Variants in LRRIQ1 observed in about 807,000 individuals in gnomAD.
LRRIQ1 encodes leucine-rich repeat- and IQ domain-containing protein 1.
In LRRIQ1, 210 loss-of-function variants were observed where a neutral mutation model predicts 211.9. That is an observed-to-expected ratio of 0.99 (90% CI 0.89 to 1.11). The LOEUF (loss-of-function observed/expected upper bound fraction) is 1.11. LRRIQ1 is among the 50% of genes most tolerant of loss of function. LRRIQ1 has a pLI of 0.00. For synonymous variants in LRRIQ1, 699 were observed against 650.1 expected (o/e 1.08, Z -1.14); for missense variants, 2,136 against 1,939.5 (o/e 1.10, Z -1.90).
At chr12:85,063,264 A>G (rs1437783905) in intron 8 of LRRIQ1, among the ~76,000 whole-genome samples, 1 of 151,368 alleles carries the variant, frequency 6.6e-6, no homozygotes, top group Non-Finnish European at 1.5e-5. Context: ...TTAGCCATAC[A>G]TTATTTGCCA....
chr12:85,212,140 C>T (rs575355736), intron 24 of LRRIQ1, among the ~76,000 whole-genome samples: 9 of 151,890 alleles, frequency 5.9e-5, no homozygotes, highest in Non-Finnish European at 1.3e-4. Context: ...CAAAAAGTAG[C>T]CAGGTGTGGT....
intron 10 of LRRIQ1, among the ~76,000 whole-genome samples, chr12:85,071,669 A>G (rs1883095824): frequency 6.6e-6 from 1 of 152,074 alleles, no homozygotes; most frequent in Admixed American, 6.6e-5. Flanking sequence ...TATAAAGGAA[A>G]GAGGTTTAAT....
chr12:85,139,132 TAAG>T (rs1565862878), intron 19 of LRRIQ1, among the ~76,000 whole-genome samples: 1 of 151,410 alleles, frequency 6.6e-6, no homozygotes, highest in African/African-American at 2.4e-5. Flanking sequence ...TTTCCACCAC[TAAG>T]AAGAATGAGT....
chr12:85,138,163 ATACT>A (rs1272042813), intron 19 of LRRIQ1, among the ~76,000 whole-genome samples, 194 bp downstream of exon 19: 1 of 151,512 alleles, frequency 6.6e-6, no homozygotes, highest in African/African-American at 2.4e-5. Flanking sequence ...TGGCAGCAAA[ATACT>A]TACAAGAGCG....
intron 1 of LRRIQ1, among the ~76,000 whole-genome samples, chr12:85,037,648 A>C (rs1374912014): frequency 6.6e-6 from 1 of 152,034 alleles, no homozygotes; most frequent in African/African-American, 2.4e-5. Context: ...AGGAATGAAG[A>C]AAAGAACAAG....
chr12:85,050,925 C>G (rs1229045582), intron 6 of LRRIQ1, among the ~76,000 whole-genome samples: 2 of 152,154 alleles, frequency 1.3e-5, no homozygotes, highest in Non-Finnish European at 2.9e-5. Context: ...CTCTTGCTAC[C>G]TATCTACAGA....
intron 11 of LRRIQ1, among the ~76,000 whole-genome samples, chr12:85,094,798 G>T (rs908827315): frequency 6.6e-6 from 1 of 151,896 alleles, no homozygotes; most frequent in Admixed American, 6.6e-5. Flanking sequence ...GTGGTGCTTT[G>T]TAGTTCTCTT....
At chr12:85,073,186 TCTC>T (rs1883279618) in intron 11 of LRRIQ1, 88 bp downstream of exon 11, 6 of 836,542 alleles carry the variant, frequency 7.2e-6, no homozygotes, top group Middle Eastern at 3.6e-4. Context: ...GTCACCATCA[TCTC>T]CTTTATTTTT....
At chr12:85,165,052 G>A (rs1891082723) in intron 24 of LRRIQ1, among the ~76,000 whole-genome samples, 1 of 151,910 alleles carries the variant, frequency 6.6e-6, no homozygotes, top group East Asian at 1.9e-4. Context: ...CTGCTATCTT[G>A]GATAATGTTA....
At chr12:85,210,186 C>G (rs1418205120) in intron 24 of LRRIQ1, among the ~76,000 whole-genome samples, 2 of 152,020 alleles carry the variant, frequency 1.3e-5, no homozygotes, top group Non-Finnish European at 2.9e-5. Context: ...ATAAACATTC[C>G]AGTCCTAGGA....
Position 85,038,205 on chromosome 12 carries a change from C to G in LRRIQ1, c.29C>G (p.Ala10Gly). Residue 10 changes from alanine to glycine, a missense_variant, in exon 2 of 27, where the codon GCA becomes GGA. Transcript: ENST00000393217. ...GACGATGATGATGCAAAGCTCAAAG[C>G]AGAAATAGAAGCTGAATTGGATAAA... Reference protein sequence around the residue: MDDDDAKLKAEIEAELDKLS... With the variant: MDDDDAKLKGEIEAELDKLS... The G allele has an allele frequency of 6.3e-7, 1 of 1,578,226 alleles. No individual in the cohort carries two copies. The highest frequency in any genetic ancestry group is 1.2e-5 in the South Asian group (1 of 86,362).
At chr12:85,192,331 A>G (rs1374969517) in intron 24 of LRRIQ1, among the ~76,000 whole-genome samples, 1 of 146,334 alleles carries the variant, frequency 6.8e-6, no homozygotes, top group East Asian at 2.0e-4. Flanking sequence ...TGCAAAGGAC[A>G]TGATCTCATT....
chr12:85,042,033 T>C (rs992846722), intron 3 of LRRIQ1, among the ~76,000 whole-genome samples: 4 of 151,954 alleles, frequency 2.6e-5, no homozygotes, highest in Non-Finnish European at 5.9e-5. Flanking sequence ...GGTTGAATTA[T>C]GAAGAATGTT....
chr12:85,094,078 C>T (rs1885649095), intron 11 of LRRIQ1, among the ~76,000 whole-genome samples: 1 of 152,148 alleles, frequency 6.6e-6, no homozygotes, highest in Non-Finnish European at 1.5e-5. Context: ...GAATTAAAGT[C>T]AAAGCTAGAT....
intron 17 of LRRIQ1, 122 bp from the exon 18 acceptor site, chr12:85,127,710 T>C: frequency 1.3e-6 from 1 of 773,206 alleles, no homozygotes; most frequent in South Asian, 1.9e-5. Context: ...GAAGTGGTCT[T>C]ATTTTTAAAT....
At chr12:85,103,089 G>A (rs1886511515) in intron 13 of LRRIQ1, among the ~76,000 whole-genome samples, 1 of 149,496 alleles carries the variant, frequency 6.7e-6, no homozygotes, top group East Asian at 2.0e-4. Context: ...CACAGTAAGT[G>A]TAGACTTGTC....
At chr12:85,162,819 A>G (rs1890957912) in intron 24 of LRRIQ1, 1 of 455,886 alleles carries the variant, frequency 2.2e-6, no homozygotes, top group Non-Finnish European at 4.4e-6. Context: ...TTGGCATTTC[A>G]TTAATTTCAC....
chr12:85,145,402 C>T (rs995769504), intron 19 of LRRIQ1, among the ~76,000 whole-genome samples: 4 of 151,572 alleles, frequency 2.6e-5, no homozygotes, highest in Non-Finnish European at 4.4e-5. Flanking sequence ...TGATTAACCA[C>T]GAACACTTAC....
intron 24 of LRRIQ1, among the ~76,000 whole-genome samples, chr12:85,190,830 C>A (rs1427290806): frequency 6.6e-6 from 1 of 151,806 alleles, no homozygotes; most frequent in Admixed American, 6.6e-5. Flanking sequence ...TCTGTTGCTG[C>A]TAAAGCCTTT....
Sources: allele counts gnomAD v4.1 joint callset (sites outside exome capture counted in the v4.1 genomes callset), GRCh38; gene constraint gnomAD v4.1.1; transcripts MANE v1.5; gene names NCBI Gene and HGNC (gene_info 2026-07-23, HGNC 2026-07-21).